Variants in KCND2 observed in about 807,000 individuals in gnomAD.
The protein encoded by KCND2 is potassium voltage-gated channel subfamily D member 2, also known as A-type voltage-gated potassium channel KCND2.
KCND2 carries 16 observed loss-of-function variants against 54.4 expected under a neutral mutation model. That is an observed-to-expected ratio of 0.29 (90% confidence interval 0.20 to 0.45). The LOEUF is 0.45. Ranked by LOEUF, KCND2 falls within the 20% of genes least tolerant of loss-of-function variation. The pLI is 1.00. For missense variants in KCND2, 486 were observed against 824.2 expected, an observed-to-expected ratio of 0.59 and a Z score of 5.02; for synonymous variants, 317 against 310.7, an observed-to-expected ratio of 1.02 and a Z score of -0.21.
At chr7:120,297,362 A>T (rs73429987) in intron 1 of KCND2, among the ~76,000 whole-genome samples, 3,253 of 152,120 alleles carry the variant, frequency 0.021, 132 homozygotes, top group African/African-American at 0.074. Flanking sequence ...CTCCACTTAC[A>T]TCTATGTTGT....
intron 1 of KCND2, among the ~76,000 whole-genome samples, chr7:120,346,171 AT>A (rs1800313107): frequency 6.6e-6 from 1 of 152,054 alleles, no homozygotes. Context: ...CCCTTTGGCC[AT>A]TTTTTAATTG....
chr7:120,500,885 C>A (rs1802921538), intron 1 of KCND2, among the ~76,000 whole-genome samples: 1 of 151,370 alleles, frequency 6.6e-6, no homozygotes, highest in Admixed American at 6.6e-5. Flanking sequence ...ATGCCAATGT[C>A]TATGAGTAAA....
rs368805069 is a variant in KCND2, at chr7:120,483,950, T to G, written c.1115+208203T>G. ...ATTGTTTTGCTTTGCTTTTTAAAAT[T>G]AGTATTAGCCTGTAGAAATTTGAGT... On this transcript the variant is annotated intron_variant, in intron 1 of 5. Coordinates refer to ENST00000331113, the MANE Select transcript of KCND2 (RefSeq NM_012281.3). 2.6e-5 allele frequency among the ~76,000 whole-genome samples: 4 copies of G among 152,068 alleles called. No homozygotes were observed. In the East Asian group the frequency reaches 5.8e-4, roughly 22 times the overall value.
chr7:120,457,832 A>G (rs1486983398), intron 1 of KCND2, among the ~76,000 whole-genome samples: 2 of 152,146 alleles, frequency 1.3e-5, no homozygotes, highest in African/African-American at 2.4e-5. Flanking sequence ...TGTGGTATCA[A>G]TTTACTGTGT....
intron 1 of KCND2, among the ~76,000 whole-genome samples, chr7:120,326,091 T>A (rs1799969862): frequency 6.6e-6 from 1 of 152,122 alleles, no homozygotes; most frequent in African/African-American, 2.4e-5. Flanking sequence ...CTGAAGTTAA[T>A]GTATTATTAA....
intron 1 of KCND2, among the ~76,000 whole-genome samples, chr7:120,282,224 T>C (rs1428043134): frequency 6.6e-6 from 1 of 152,170 alleles, no homozygotes; most frequent in Non-Finnish European, 1.5e-5. Flanking sequence ...CAACAGATAC[T>C]TTGATGATGC....
intron 1 of KCND2, among the ~76,000 whole-genome samples, chr7:120,282,139 A>T (rs1799274802): frequency 6.6e-6 from 1 of 152,124 alleles, no homozygotes; most frequent in Admixed American, 6.5e-5. Flanking sequence ...AGGTGAATCA[A>T]CATAGAAATA....
At chr7:120,461,650 A>T (rs1802285253) in intron 1 of KCND2, among the ~76,000 whole-genome samples, 1 of 152,170 alleles carries the variant, frequency 6.6e-6, no homozygotes, top group Non-Finnish European at 1.5e-5. Context: ...GGGTTTTCTA[A>T]GAGGTTCAGG....
chr7:120,713,403 T>C (rs890890749), intron 1 of KCND2, among the ~76,000 whole-genome samples: 1 of 152,158 alleles, frequency 6.6e-6, no homozygotes, highest in African/African-American at 2.4e-5. Context: ...GAGTACAATG[T>C]CACATGGCTA....
chr7:120,489,986 T>C (rs571344437), intron 1 of KCND2, among the ~76,000 whole-genome samples: 6 of 152,240 alleles, frequency 3.9e-5, no homozygotes, highest in African/African-American at 1.4e-4. Context: ...CAAGTCATCG[T>C]TGTCACTCCA....
At chr7:120,610,712 T>C (rs1792943587) in intron 1 of KCND2, among the ~76,000 whole-genome samples, 1 of 152,154 alleles carries the variant, frequency 6.6e-6, no homozygotes, top group African/African-American at 2.4e-5. Flanking sequence ...ACTAATTAGC[T>C]GCAGAGTTTT....
intron 3 of KCND2, 82 bp downstream of exon 3, chr7:120,741,711 T>G: frequency 2.1e-6 from 2 of 944,630 alleles, no homozygotes; most frequent in Non-Finnish European, 3.4e-6. Context: ...ATAATTTTAT[T>G]ATGGCTAATT....
chr7:120,507,742 G>A (rs802358), intron 1 of KCND2, among the ~76,000 whole-genome samples: 44,409 of 151,640 alleles, frequency 0.29, 9,367 homozygotes, highest in African/African-American at 0.58. Flanking sequence ...CTTTGGGTGA[G>A]AAGAAATAAA....
chr7:120,730,328 G>A lies in KCND2; in HGVS notation c.1116-2575G>A, dbSNP rs145195942. Reference sequence around the variant, plus strand: ...AAAACATTGTGTATAAAATATGACTGGACATTCAATGTGAACTGTGACAGA... The same window carrying A: ...AAAACATTGTGTATAAAATATGACTAGACATTCAATGTGAACTGTGACAGA... On this transcript the variant is annotated intron_variant, in intron 1 of 5. Coordinates refer to ENST00000331113, the MANE Select transcript of KCND2 (RefSeq NM_012281.3). Among the ~76,000 whole-genome samples, 1,003 of 152,152 alleles carry A rather than the reference G, an allele frequency of 6.6e-3. 5 individuals are homozygous for A. Among genetic ancestry groups the A allele is most frequent in the Non-Finnish European group, 8.7e-3 (589 of 67,994 alleles).
chr7:120,325,158 G>C (rs1489357001), intron 1 of KCND2, among the ~76,000 whole-genome samples: 54 of 143,376 alleles, frequency 3.8e-4, no homozygotes, highest in African/African-American at 1.4e-3. Flanking sequence ...TTTGTATCCT[G>C]AGAGTTTGCT....
intron 1 of KCND2, among the ~76,000 whole-genome samples, chr7:120,449,559 T>C (rs1290278657): frequency 6.6e-6 from 1 of 152,212 alleles, no homozygotes; most frequent in East Asian, 1.9e-4. Flanking sequence ...ATTTTAAATA[T>C]TTGAAAATAC....
intron 1 of KCND2, among the ~76,000 whole-genome samples, chr7:120,501,196 C>T (rs1187940164): frequency 1.3e-5 from 2 of 152,070 alleles, no homozygotes; most frequent in African/African-American, 2.4e-5. Context: ...ACAGTAATGA[C>T]CTTGCCAAGG....
chr7:120,630,733 C>T (rs1339383006), intron 1 of KCND2, among the ~76,000 whole-genome samples: 1 of 152,066 alleles, frequency 6.6e-6, no homozygotes, highest in African/African-American at 2.4e-5. Context: ...TTGAGTCATG[C>T]TTTTCACAAT....
chr7:120,647,672 A>G (rs2116539942), intron 1 of KCND2, among the ~76,000 whole-genome samples: 1 of 152,342 alleles, frequency 6.6e-6, no homozygotes, highest in African/African-American at 2.4e-5. Context: ...TTGCCTAATT[A>G]CTGTTTAGTA....
Sources: gnomAD v4.1 joint callset for allele counts (sites outside exome capture counted in the v4.1 genomes callset) on GRCh38, gnomAD v4.1.1 for gene constraint, MANE v1.5 for transcripts, NCBI Gene and HGNC (gene_info 2026-07-23, HGNC 2026-07-21) for gene names.